Variants in MDN1 observed in about 807,000 individuals in gnomAD.
The protein encoded by MDN1 is midasin AAA ATPase 1.
MDN1 carries 266 observed loss-of-function variants against 669.2 expected under a neutral mutation model. That is an observed-to-expected ratio of 0.40 (90% confidence interval 0.36 to 0.44). The LOEUF (loss-of-function observed/expected upper bound fraction) is 0.44. Ranked by LOEUF, MDN1 falls within the 20% of genes least tolerant of loss-of-function variation. The pLI is 1.00. For synonymous variants in MDN1, 2,385 were observed against 2,457.1 expected (o/e 0.97, Z 0.87); for missense variants, 5,940 against 6,754.0 (o/e 0.88, Z 4.22).
chr6:89,812,191 G>A (rs1355277138), intron 1 of MDN1, among the ~76,000 whole-genome samples: 5 of 151,744 alleles, frequency 3.3e-5, no homozygotes, highest in Non-Finnish European at 4.4e-5. Context: ...TCACTATGTT[G>A]GCCAGGCTGG....
At chr6:89,746,229 T>A (rs1003606401) in intron 27 of MDN1, among the ~76,000 whole-genome samples, 2 of 152,202 alleles carry the variant, frequency 1.3e-5, no homozygotes, top group African/African-American at 4.8e-5. Flanking sequence ...ATTGGAAATA[T>A]TCTAAATCTT....
chr6:89,701,295 G>GT (rs967130133), intron 55 of MDN1, among the ~76,000 whole-genome samples: 1 of 152,190 alleles, frequency 6.6e-6, no homozygotes, highest in Non-Finnish European at 1.5e-5. Flanking sequence ...ATGAGGTACT[G>GT]TAAGTAATTT....
Position 89,674,319 on chromosome 6 carries a change from A to G in MDN1, c.13032T>C (p.Leu4344=), listed in dbSNP as rs767668592. ...GAATTAGGTCCAGCACTACTCCACAAAGTTGTCCCTTGCTAAGTTCTGGTC... is the reference window on the plus strand; with the variant it reads ...GAATTAGGTCCAGCACTACTCCACAGAGTTGTCCCTTGCTAAGTTCTGGTC... The part of the protein sequence containing the change: ...LEGPELSKGQ[L]CGVVLDLIPS... The change falls in exon 79 of 102, where the codon CTT becomes CTC. Residue 4344 remains leucine (L), a synonymous_variant. Coordinates refer to ENST00000369393, the MANE Select transcript of MDN1 (RefSeq NM_014611.3). 13 of 1,614,206 alleles carry G rather than the reference A, an allele frequency of 8.1e-6. No homozygotes were observed. Among genetic ancestry groups the G allele is most frequent in the Middle Eastern group, 1.6e-4 (1 of 6,062 alleles).
rs548420768 is a variant in MDN1 at position 89,700,882 on chromosome 6, A to G, written c.8428-26T>C. 2.5e-6 allele frequency: 4 copies of G among 1,605,322 alleles called. No homozygotes were observed. The South Asian group carries it at 3.3e-5, about 13-fold the overall frequency. On this transcript the variant is annotated intron_variant, in intron 55 of 101. Coordinates refer to ENST00000369393, the MANE Select transcript of MDN1 (RefSeq NM_014611.3). ...CTGAAACAACAACACCCACAAGAGCATACTATAGAGCACAAATGTGGTTTT... is the reference window on the plus strand; with the variant it reads ...CTGAAACAACAACACCCACAAGAGCGTACTATAGAGCACAAATGTGGTTTT...
chr6:89,773,049 TA>T lies in MDN1; in HGVS notation c.1935-329del, dbSNP rs1356402601. ...AGTTTCCTCACCTGTAAGATGTGGG[TA>T]ACAACAGTACCTAGTTGTAATAGGT... On this transcript the variant is annotated intron_variant, in intron 13 of 101. Coordinates refer to ENST00000369393, the MANE Select transcript of MDN1 (RefSeq NM_014611.3). 3.4e-4 allele frequency among the ~76,000 whole-genome samples: 52 copies of T among 152,346 alleles called. No homozygotes were observed. The East Asian group carries it at 4.2e-3, about 12-fold the overall frequency.
At chr6:89,810,302 G>T (rs1404413326) in intron 1 of MDN1, among the ~76,000 whole-genome samples, 2 of 152,010 alleles carry the variant, frequency 1.3e-5, no homozygotes, top group African/African-American at 2.4e-5. Flanking sequence ...CGGGTATGGT[G>T]GCGGGTGCCT....
chr6:89,671,217 G>C, intron 82 of MDN1, 137 bp from the exon 83 acceptor site: 1 of 930,478 alleles, frequency 1.1e-6, no homozygotes, highest in Non-Finnish European at 1.6e-6. Context: ...TTACATGTAT[G>C]TGTTTGTAAC....
chr6:89,658,746 T>G lies in MDN1; in HGVS notation c.14885A>C (p.Asp4962Ala), dbSNP rs1398291507. The change falls in exon 89 of 102, where the codon GAT becomes GCT. Residue 4962 changes from aspartate to alanine, a missense_variant. Physicochemically the swap from Asp to Ala is moderately radical, Grantham distance 126 (BLOSUM62 -2). Around this residue, in one of 5 missense-constraint regions of MDN1, gnomAD observed 2,280 missense variants for 2,576.3 expected, o/e 0.88. Transcript: ENST00000369393. ...EGEEEMDTGA[D>A]DQDGDAAQHP... ...CTGAGCAGCATCTCCATCTTGGTCA[T>G]CAGCTCCTGTGTCCATTTCCTCTTC... is the stretch of plus-strand genomic sequence containing the variant. 6.8e-6 allele frequency: 11 copies of G among 1,614,188 alleles called. 1 individual carries two copies. The East Asian group carries it at 1.1e-4, about 16-fold the overall frequency.
At chr6:89,670,497 C>A (rs1810676094) in intron 83 of MDN1, among the ~76,000 whole-genome samples, 1 of 152,036 alleles carries the variant, frequency 6.6e-6, no homozygotes, top group Non-Finnish European at 1.5e-5. Flanking sequence ...CTAATAATAA[C>A]AGGCCCATTA....
Position 89,768,004 on chromosome 6 carries a change from T to C in MDN1, c.2144+3557A>G, listed in dbSNP as rs955951765. On this transcript the variant is annotated intron_variant, in intron 15 of 101. Coordinates refer to ENST00000369393, the MANE Select transcript of MDN1 (RefSeq NM_014611.3). Reference sequence around the variant, plus strand: ...CTGCAATAAGCCCTGATGGTGCCACTGCACTCCAGCCTGTGTGACAGAGAC... The same window carrying C: ...CTGCAATAAGCCCTGATGGTGCCACCGCACTCCAGCCTGTGTGACAGAGAC... 3.9e-5 allele frequency among the ~76,000 whole-genome samples: 6 copies of C among 151,922 alleles called. No homozygotes were observed. In the East Asian group the frequency reaches 9.7e-4, roughly 24 times the overall value.
rs1250324674 is a variant in MDN1, at chr6:89,654,169, G to T, written c.15656C>A (p.Pro5219His). The T allele has an allele frequency of 3.7e-6, 6 of 1,614,156 alleles. No homozygotes were observed. The highest frequency in any genetic ancestry group is 5.1e-6 in the Non-Finnish European group (6 of 1,180,014). Residue 5219 changes from proline to histidine, a missense_variant, in exon 93 of 102, where the codon CCC becomes CAC. Pro to His is a moderately conservative substitution (Grantham distance 77, BLOSUM62 -2). Around this residue, in one of 5 missense-constraint regions of MDN1, gnomAD observed 2,280 missense variants for 2,576.3 expected, o/e 0.88. Transcript: ENST00000369393. ...PEEIKSGTTA[P>H]LGFDEMEVEI... Reference sequence around the variant, plus strand: ...TGTTCACTAGCAGGACTCACCCAAGGGTGCTGTGGTGCCCGACTTGATTTC... The same window carrying T: ...TGTTCACTAGCAGGACTCACCCAAGTGTGCTGTGGTGCCCGACTTGATTTC...
At chr6:89,796,027 T>C (rs1014153215) in intron 2 of MDN1, among the ~76,000 whole-genome samples, 3 of 150,672 alleles carry the variant, frequency 2.0e-5, no homozygotes, top group African/African-American at 2.4e-5. Context: ...AAAAATATTA[T>C]TAAAACTTTG....
rs1819470135 is a variant in MDN1 at position 89,794,562 on chromosome 6, C to G, written c.554+15G>C. ...CCCCACACTAGAAGTGCAAAAAAGT[C>G]TAACAGCTACGCACCAGCGAACCAA... On this transcript the variant is annotated intron_variant, in intron 3 of 101. Transcript: ENST00000369393. The G allele has an allele frequency of 1.2e-6, 2 of 1,611,696 alleles. No homozygotes were observed. Among genetic ancestry groups the G allele is most frequent in the African/African-American group, 1.3e-5 (1 of 74,972 alleles).
intron 6 of MDN1, 71 bp downstream of exon 6, chr6:89,790,088 G>A (rs1006742395): frequency 2.5e-6 from 4 of 1,606,310 alleles, no homozygotes; most frequent in African/African-American, 2.7e-5. Flanking sequence ...TATTCCCTTA[G>A]CAAAAGCAAT....
Position 89,772,709 on chromosome 6 carries a change from A to C in MDN1, c.1947T>G (p.Thr649=), listed in dbSNP as rs760791962. Residue 649 remains threonine (T), a synonymous_variant, in exon 14 of 102, where the codon ACT becomes ACG. Coordinates refer to ENST00000369393, the MANE Select transcript of MDN1 (RefSeq NM_014611.3). ...EAVHLQREKF[T]FAATRPSSVL... The stretch of plus-strand genomic sequence containing the variant: ...CAGAGGACGGCCGTGTAGCAGCGAA[A>C]GTGAACTTCTCCCTGGGAAGGAGAA... 4 of 1,613,672 alleles carry C rather than the reference A, an allele frequency of 2.5e-6. No homozygotes were observed. Among genetic ancestry groups the C allele is most frequent in the Non-Finnish European group, 3.4e-6 (4 of 1,179,858 alleles).
At chr6:89,786,166 C>A (rs560489363) in intron 8 of MDN1, among the ~76,000 whole-genome samples, 7 of 151,870 alleles carry the variant, frequency 4.6e-5, no homozygotes, top group Non-Finnish European at 8.8e-5. Context: ...GACTGAGGCA[C>A]GAGAATCGCT....
At chr6:89,796,113 TA>T (rs1356336085) in intron 2 of MDN1, among the ~76,000 whole-genome samples, 2 of 151,332 alleles carry the variant, frequency 1.3e-5, no homozygotes, top group East Asian at 3.9e-4. Context: ...TCACTTTAGG[TA>T]AGGAGTTCAA....
intron 88 of MDN1, among the ~76,000 whole-genome samples, chr6:89,660,075 C>T (rs551304481): frequency 7.9e-5 from 12 of 152,108 alleles, no homozygotes; most frequent in Admixed American, 2.0e-4. Flanking sequence ...TTAGTAGAGA[C>T]GGGGTTTCTC....
At chr6:89,785,187 C>G in intron 8 of MDN1, 61 bp from the exon 9 acceptor site, 1 of 1,115,700 alleles carries the variant, frequency 9.0e-7, no homozygotes, top group African/African-American at 1.5e-5. Context: ...CTGAATTGTG[C>G]CTCTGGATAT....
Sources: gnomAD v4.1 joint callset for allele counts (sites outside exome capture counted in the v4.1 genomes callset) on GRCh38, gnomAD v4.1.1 for gene constraint, gnomAD v4.1.1 regional missense constraint, MANE v1.5 for transcripts, NCBI Gene and HGNC (gene_info 2026-07-23, HGNC 2026-07-21) for gene names.